Variants in ARSB observed in about 807,000 individuals in gnomAD.
ARSB encodes the protein N-acetylgalactosamine-4-sulfatase.
ARSB carries 41 observed loss-of-function variants against 50.9 expected under a neutral mutation model. The observed-to-expected ratio is 0.81, with a 90% CI of 0.63 to 1.04. ARSB has a LOEUF of 1.04. Among genes scored for constraint, ARSB ranks in the 50% least tolerant of loss-of-function variants. The pLI is 0.00. For missense variants in ARSB, 672 were observed against 693.3 expected, an observed-to-expected ratio of 0.97 and a Z score of 0.35; for synonymous variants, 269 against 284.8, an observed-to-expected ratio of 0.94 and a Z score of 0.56.
At position 78,955,346 on chromosome 5, in the gene ARSB, C is replaced by G. The variant is rs1388591027; in HGVS notation, c.847G>C (p.Ala283Pro). The G allele has an allele frequency of 4.3e-6, 7 of 1,614,192 alleles. No homozygotes were observed. The highest frequency in any genetic ancestry group is 1.7e-5 in the Admixed American group (1 of 60,024). The change falls in exon 4 of 8, where the codon GCT (alanine) becomes CCT (proline). Residue 283 changes from alanine (A) to proline (P), a missense_variant. By Grantham distance (27) the Ala-to-Pro change is conservative. Coordinates refer to ENST00000264914, the MANE Select transcript of ARSB (RefSeq NM_000046.5). ...MDEAVGNVTA[A>P]LKSSGLWNNT... ...TTCCAGAGCCCACTGCTTTTTAAAGCTGCAGTGACATTTCCTACTGCTTCA... is the reference window on the plus strand; with the variant it reads ...TTCCAGAGCCCACTGCTTTTTAAAGGTGCAGTGACATTTCCTACTGCTTCA...
At chr5:78,816,124 A>C (rs1335829309) in intron 6 of ARSB, 1 of 1,614,162 alleles carries the variant, frequency 6.2e-7, no homozygotes, top group East Asian at 2.2e-5. Context: ...TCTGTAAAAC[A>C]CACAAAATGA....
At chr5:78,798,637 G>A (rs1156900433) in intron 6 of ARSB, among the ~76,000 whole-genome samples, 2 of 152,182 alleles carry the variant, frequency 1.3e-5, no homozygotes, top group African/African-American at 4.8e-5. Context: ...TCTAGGCTCT[G>A]AGCACAGTTT....
intron 1 of ARSB, among the ~76,000 whole-genome samples, chr5:78,973,882 A>G (rs1580151559): frequency 1.3e-5 from 2 of 152,284 alleles, no homozygotes; most frequent in South Asian, 4.1e-4. Flanking sequence ...TCATGTGCCC[A>G]CATATGTGTG....
chr5:78,881,971 A>C (rs1246213869), intron 5 of ARSB, among the ~76,000 whole-genome samples: 1 of 152,272 alleles, frequency 6.6e-6, no homozygotes, highest in Non-Finnish European at 1.5e-5. Context: ...GGACAGCCAT[A>C]TAGAAACATG....
intron 1 of ARSB, among the ~76,000 whole-genome samples, chr5:78,969,889 G>C (rs1301512086): frequency 6.6e-6 from 1 of 152,220 alleles, no homozygotes; most frequent in Non-Finnish European, 1.5e-5. Context: ...AATGTGTTGG[G>C]ATTACAGGCT....
At chr5:78,847,037 T>C (rs999598216) in intron 5 of ARSB, among the ~76,000 whole-genome samples, 61 of 152,234 alleles carry the variant, frequency 4.0e-4, no homozygotes, top group African/African-American at 1.4e-3. Flanking sequence ...ATTCTGTTGA[T>C]GTAATGTGTC....
intron 4 of ARSB, among the ~76,000 whole-genome samples, chr5:78,897,964 A>G (rs1050109413): frequency 2.6e-5 from 4 of 152,174 alleles, no homozygotes; most frequent in Admixed American, 6.5e-5. Context: ...CATTGAAATT[A>G]GTAATTAAAA....
upstream of ARSB, chr5:78,985,513 C>T (rs72764913): frequency 0.027 from 7,429 of 272,084 alleles, 167 homozygotes; most frequent in Non-Finnish European, 0.03. Flanking sequence ...TGGAGGGCAC[C>T]AAGGCCCGTT....
intron 1 of ARSB, among the ~76,000 whole-genome samples, chr5:78,981,515 G>A (rs972785651): frequency 1.3e-5 from 2 of 152,200 alleles, no homozygotes; most frequent in African/African-American, 4.8e-5. Flanking sequence ...CCAGTAGATG[G>A]GGTTAGTATG....
At chr5:78,807,074 C>G (rs1355689415) in intron 6 of ARSB, among the ~76,000 whole-genome samples, 1 of 151,910 alleles carries the variant, frequency 6.6e-6, no homozygotes, top group Non-Finnish European at 1.5e-5. Context: ...CAGAGCATTC[C>G]GTGTTGGGGT....
At chr5:78,903,303 T>C (rs1488458167) in intron 4 of ARSB, among the ~76,000 whole-genome samples, 6 of 152,172 alleles carry the variant, frequency 3.9e-5, no homozygotes, top group Admixed American at 1.3e-4. Context: ...GTCACAAGAA[T>C]GTAAAAAATC....
chr5:78,975,886 A>T (rs1327144262), intron 1 of ARSB, among the ~76,000 whole-genome samples: 1 of 152,346 alleles, frequency 6.6e-6, no homozygotes, highest in Middle Eastern at 3.4e-3. Flanking sequence ...ACTTATCACA[A>T]TTAAAATATG....
intron 6 of ARSB, among the ~76,000 whole-genome samples, chr5:78,792,960 G>A (rs1484661692): frequency 1.3e-5 from 2 of 152,118 alleles, no homozygotes; most frequent in African/African-American, 4.8e-5. Context: ...GTAGTGGTAT[G>A]CCACACTACA....
intron 4 of ARSB, 98 bp downstream of exon 4, chr5:78,955,197 T>G (rs1158516742): frequency 8.4e-7 from 1 of 1,188,484 alleles, no homozygotes; most frequent in African/African-American, 1.5e-5. Context: ...TTTATTTTAA[T>G]AAGGCAATGC....
At chr5:78,811,610 A>G (rs1010754170) in intron 6 of ARSB, among the ~76,000 whole-genome samples, 1 of 152,260 alleles carries the variant, frequency 6.6e-6, no homozygotes, top group Non-Finnish European at 1.5e-5. Flanking sequence ...AACCTTTTAA[A>G]CATTTGCATC....
chr5:78,896,195 T>C (rs989427392), intron 4 of ARSB, among the ~76,000 whole-genome samples: 3 of 152,174 alleles, frequency 2.0e-5, no homozygotes, highest in Non-Finnish European at 4.4e-5. Context: ...AGCACAAATG[T>C]GGCACAGAGA....
intron 6 of ARSB, among the ~76,000 whole-genome samples, chr5:78,829,204 A>G (rs940537067): frequency 6.6e-6 from 1 of 152,256 alleles, no homozygotes; most frequent in African/African-American, 2.4e-5. Flanking sequence ...AAAACATTCA[A>G]AAAATACGAA....
Position 78,780,313 on chromosome 5 carries a change from T to C in ARSB, c.*84A>G. The C allele has an allele frequency of 6.3e-7, 1 of 1,593,008 alleles. No individual in the cohort carries two copies. The highest frequency in any genetic ancestry group is 8.6e-7 in the Non-Finnish European group (1 of 1,164,274). ...AGAGAAGGGCCAAGTGAACCCAGGT[T>C]GGGATAACAAATGAGACAAGAGTCG... On this transcript the variant is annotated 3_prime_UTR_variant, in exon 8 of 8. Transcript: ENST00000264914.
chr5:78,980,734 A>ATGTGTGTG (rs1554089416), intron 1 of ARSB, among the ~76,000 whole-genome samples: 21,104 of 150,816 alleles, frequency 0.14, 1,796 homozygotes, highest in Non-Finnish European at 0.2. Flanking sequence ...AAGTGTGTGT[A>ATGTGTGTG]TGTGTGTGTG....
Sources: allele counts gnomAD v4.1 joint callset (sites outside exome capture counted in the v4.1 genomes callset), GRCh38; gene constraint gnomAD v4.1.1; transcripts MANE v1.5; gene names NCBI Gene and HGNC (gene_info 2026-07-23, HGNC 2026-07-21).